The following PMM2 variants were observed in gnomAD, a reference collection of about 807,000 sequenced individuals.
The protein encoded by PMM2 is phosphomannomutase 2.
In PMM2, 35 loss-of-function variants were observed where a neutral mutation model predicts 33.2. The ratio of observed to expected loss-of-function variants is 1.06; its 90% CI spans 0.81 to 1.40. PMM2 has a LOEUF of 1.40. Ranked by LOEUF, PMM2 falls within the 40% of genes most tolerant of loss-of-function variation. PMM2 has a pLI of 0.00. For missense variants in PMM2, 386 were observed against 306.0 expected (o/e 1.26, Z -1.95); for synonymous variants, 153 against 114.7 (o/e 1.33, Z -2.13).
chr16:8,799,410 C>G (rs2060598429), intron 1 of PMM2, among the ~76,000 whole-genome samples: 1 of 152,210 alleles, frequency 6.6e-6, no homozygotes, highest in South Asian at 2.1e-4. Flanking sequence ...CACAGCCAAC[C>G]TGGTACAAGT....
intron 7 of PMM2, among the ~76,000 whole-genome samples, chr16:8,834,209 A>T (rs2060829105): frequency 6.6e-6 from 1 of 152,186 alleles, no homozygotes; most frequent in African/African-American, 2.4e-5. Context: ...TTTAAGTTGG[A>T]GGCTGAGCTT....
At chr16:8,815,812 A>G (rs186956781) in intron 7 of PMM2, among the ~76,000 whole-genome samples, 1 of 152,346 alleles carries the variant, frequency 6.6e-6, no homozygotes, top group Admixed American at 6.5e-5. Context: ...AAGTTGGACA[A>G]CGTCAAACTA....
intron 7 of PMM2, among the ~76,000 whole-genome samples, chr16:8,839,872 G>A (rs1266779043): frequency 1.9e-4 from 3 of 16,012 alleles, no homozygotes; most frequent in Non-Finnish European, 3.9e-4. Flanking sequence ...AATATGGGGG[G>A]AGAAAGGAGA....
chr16:8,816,808 A>G (rs2060711142), intron 7 of PMM2, among the ~76,000 whole-genome samples: 1 of 152,196 alleles, frequency 6.6e-6, no homozygotes, highest in African/African-American at 2.4e-5. Flanking sequence ...GTTGTGGGAA[A>G]TGTTAAATGT....
At chr16:8,804,726 G>A (rs373502167) in intron 2 of PMM2, 41 bp from the exon 3 acceptor site, 1 of 1,400,726 alleles carries the variant, frequency 7.1e-7, no homozygotes, top group African/African-American at 1.4e-5. Flanking sequence ...CACAGGTTTT[G>A]ATTCTTTGCA....
At chr16:8,840,727 T>A (rs2060884264) in intron 7 of PMM2, among the ~76,000 whole-genome samples, 1 of 151,918 alleles carries the variant, frequency 6.6e-6, no homozygotes, top group Admixed American at 6.6e-5. Context: ...ACGGTGAGCC[T>A]AGTGGGGAGG....
At chr16:8,824,788 C>T (rs192541502) in intron 7 of PMM2, among the ~76,000 whole-genome samples, 96 of 152,146 alleles carry the variant, frequency 6.3e-4, no homozygotes, top group African/African-American at 2.0e-3. Flanking sequence ...ATAACTCAAA[C>T]ATTTTGTAAC....
At chr16:8,800,885 C>G (rs1227637698) in intron 1 of PMM2, among the ~76,000 whole-genome samples, 3 of 152,140 alleles carry the variant, frequency 2.0e-5, no homozygotes, top group Admixed American at 6.6e-5. Context: ...GGTTTCGCCA[C>G]GTTGGCCAGG....
At chr16:8,836,386 A>T (rs904471926) in intron 7 of PMM2, among the ~76,000 whole-genome samples, 1 of 151,938 alleles carries the variant, frequency 6.6e-6, no homozygotes, top group Admixed American at 6.6e-5. Context: ...TCTGATTTTC[A>T]TGGGGTCCCG....
At chr16:8,800,360 CAA>C (rs5815496) in intron 1 of PMM2, among the ~76,000 whole-genome samples, 341 of 128,334 alleles carry the variant, frequency 2.7e-3, no homozygotes, top group Middle Eastern at 3.9e-3. Flanking sequence ...GACTTCGTGT[CAA>C]AAAAAAAAAA....
intron 7 of PMM2, among the ~76,000 whole-genome samples, chr16:8,829,976 T>C (rs1490927769): frequency 3.3e-5 from 5 of 152,168 alleles, no homozygotes; most frequent in African/African-American, 4.8e-5. Flanking sequence ...TACCACCTAA[T>C]AGAGCTAGAG....
In PMM2 at chr16:8,845,942, G is replaced by GA. The variant is rs538770275; in HGVS notation, c.640-1774dup. Among the ~76,000 whole-genome samples, 97 of 151,644 alleles carry GA rather than the reference G, an allele frequency of 6.4e-4. 1 individual carries two copies. The highest frequency in any genetic ancestry group is 3.4e-3 in the Middle Eastern group (1 of 294). On this transcript the variant is annotated intron_variant, in intron 7 of 7. Coordinates refer to ENST00000268261, the MANE Select transcript of PMM2 (RefSeq NM_000303.3). ...ACATAGCAAGACCCTATGTCCGAAG[G>GA]AAAAAAAAGGCAAAATCAGAATTAC...
At chr16:8,845,723 C>T (rs1025833366) in intron 7 of PMM2, among the ~76,000 whole-genome samples, 7 of 152,024 alleles carry the variant, frequency 4.6e-5, no homozygotes, top group East Asian at 1.9e-4. Context: ...TGCGCACCAC[C>T]ACACCCAGCT....
rs1463315047 is a variant in PMM2 at position 8,803,676 on chromosome 16, T to C, written c.179-1091T>C. Among the ~76,000 whole-genome samples, 6 of 152,286 alleles carry C rather than the reference T, an allele frequency of 3.9e-5. No homozygotes were observed. The East Asian group carries it at 1.2e-3, about 29-fold the overall frequency. ...TATAAGAATCACTGAAGAGCTTTTT[T>C]TAAAATTTATTTTATTTATTTATTT... On this transcript the variant is annotated intron_variant, in intron 2 of 7. Transcript: ENST00000268261.
At chr16:8,838,154 G>C (rs1156711525) in intron 7 of PMM2, among the ~76,000 whole-genome samples, 1 of 152,052 alleles carries the variant, frequency 6.6e-6, no homozygotes, top group Non-Finnish European at 1.5e-5. Context: ...TTGTGGGCAG[G>C]AGTGGATCTC....
intron 7 of PMM2, among the ~76,000 whole-genome samples, chr16:8,829,589 G>A (rs566667340): frequency 2.6e-4 from 39 of 152,304 alleles, no homozygotes; most frequent in Admixed American, 7.2e-4. Context: ...ACTTGCTCCC[G>A]TTGGTCTCTG....
At chr16:8,839,754 G>C (rs932450595) in intron 7 of PMM2, among the ~76,000 whole-genome samples, 1 of 151,914 alleles carries the variant, frequency 6.6e-6, no homozygotes, top group African/African-American at 2.4e-5. Context: ...AAGAGTAAAG[G>C]AACATCGAGA....
chr16:8,844,616 G>A (rs949524046), intron 7 of PMM2, among the ~76,000 whole-genome samples: 4 of 152,234 alleles, frequency 2.6e-5, no homozygotes, highest in Non-Finnish European at 5.9e-5. Flanking sequence ...AGGTGTCCCT[G>A]CGTGGTCTGA....
intron 7 of PMM2, among the ~76,000 whole-genome samples, chr16:8,838,770 C>G (rs551559939): frequency 6.6e-6 from 1 of 151,878 alleles, no homozygotes; most frequent in African/African-American, 2.4e-5. Context: ...TTAGAGAGTG[C>G]GTAAGGGGGT....
Sources: allele counts gnomAD v4.1 joint callset (sites outside exome capture counted in the v4.1 genomes callset), GRCh38; gene constraint gnomAD v4.1.1; transcripts MANE v1.5; gene names NCBI Gene and HGNC (gene_info 2026-07-23, HGNC 2026-07-21).